The following BORCS5 variants were observed in gnomAD, a reference collection of about 807,000 sequenced individuals.
The protein encoded by BORCS5 is BLOC-1-related complex subunit 5.
Under a neutral mutation model 22.1 loss-of-function variants are expected in BORCS5, and 17 were observed. That is an observed-to-expected ratio of 0.77 (90% CI 0.53 to 1.15). The LOEUF is 1.15. BORCS5 is among the 50% of genes most tolerant of loss of function. The pLI is 0.00. For missense variants in BORCS5, 247 were observed against 253.2 expected, an observed-to-expected ratio of 0.98 and a Z score of 0.17; for synonymous variants, 117 against 99.8, an observed-to-expected ratio of 1.17 and a Z score of -1.03.
intron 2 of BORCS5, among the ~76,000 whole-genome samples, chr12:12,404,992 C>T (rs1057019121): frequency 1.4e-4 from 21 of 152,302 alleles, no homozygotes; most frequent in Admixed American, 5.2e-4. Flanking sequence ...TGAGCCACCG[C>T]GCCCGGCCAG....
chr12:12,378,217 C>CA (rs1243768142), intron 2 of BORCS5, among the ~76,000 whole-genome samples: 1 of 152,106 alleles, frequency 6.6e-6, no homozygotes, highest in Non-Finnish European at 1.5e-5. Context: ...ACTAAAAATA[C>CA]AAAAAGTAGC....
intron 2 of BORCS5, among the ~76,000 whole-genome samples, chr12:12,400,303 T>C (rs1941439281): frequency 6.6e-6 from 1 of 152,194 alleles, no homozygotes; most frequent in South Asian, 2.1e-4. Context: ...TGTCTAATTG[T>C]CTGGCCTTGG....
At chr12:12,367,756 C>T (rs1465922867) in intron 2 of BORCS5, among the ~76,000 whole-genome samples, 1 of 152,186 alleles carries the variant, frequency 6.6e-6, no homozygotes, top group Non-Finnish European at 1.5e-5. Flanking sequence ...ATTCTTGTTT[C>T]TTTCCATTAA....
intron 2 of BORCS5, among the ~76,000 whole-genome samples, chr12:12,427,618 G>A (rs759695647): frequency 6.6e-6 from 1 of 152,082 alleles, no homozygotes. Flanking sequence ...TTGTTTTTGG[G>A]GGTATCATAG....
intron 3 of BORCS5, chr12:12,452,550 C>G (rs752572619): frequency 5.6e-6 from 2 of 356,008 alleles, no homozygotes; most frequent in Non-Finnish European, 1.1e-5. Flanking sequence ...AGCCTCGCCT[C>G]GTGATCTTGC....
intron 2 of BORCS5, among the ~76,000 whole-genome samples, chr12:12,416,477 T>A (rs1213228974): frequency 6.6e-6 from 1 of 152,026 alleles, no homozygotes; most frequent in African/African-American, 2.4e-5. Context: ...TGGGTATCAC[T>A]CTGTTGCCAA....
At chr12:12,411,679 C>G (rs1471190111) in intron 2 of BORCS5, among the ~76,000 whole-genome samples, 1 of 151,822 alleles carries the variant, frequency 6.6e-6, no homozygotes, top group African/African-American at 2.4e-5. Flanking sequence ...ACATTGTTGC[C>G]CAATTCAGTG....
chr12:12,470,068 G>A lies in BORCS5; in HGVS notation c.*4292G>A, dbSNP rs780130049. Among the ~76,000 whole-genome samples the A allele has an allele frequency of 4.6e-5, 7 of 152,030 alleles. No individual in the cohort carries two copies. Among genetic ancestry groups the A allele is most frequent in the South Asian group, 4.2e-4 (2 of 4,804 alleles). On this transcript the variant is annotated 3_prime_UTR_variant, in exon 4 of 4. Transcript: ENST00000314565. ...GGCGGATGAGCAGGTGAAGCTTCAC[G>A]TGTTGTTGTTGTTGTTTATTGAGAT...
At chr12:12,401,021 A>C (rs996498030) in intron 2 of BORCS5, among the ~76,000 whole-genome samples, 1 of 152,134 alleles carries the variant, frequency 6.6e-6, no homozygotes, top group Non-Finnish European at 1.5e-5. Context: ...GTAGTATTCC[A>C]TCAAATGAAT....
At chr12:12,377,023 G>GT (rs1431488644) in intron 2 of BORCS5, among the ~76,000 whole-genome samples, 2 of 152,152 alleles carry the variant, frequency 1.3e-5, no homozygotes, top group African/African-American at 4.8e-5. Flanking sequence ...TTATTTTAGT[G>GT]TTTATCAGGA....
chr12:12,398,484 G>C, intron 2 of BORCS5, among the ~76,000 whole-genome samples: 1 of 152,182 alleles, frequency 6.6e-6, no homozygotes, highest in Non-Finnish European at 1.5e-5. Flanking sequence ...ATGAAGGGGA[G>C]AGATGTTTAC....
At chr12:12,387,923 A>T (rs933768802) in intron 2 of BORCS5, among the ~76,000 whole-genome samples, 3 of 151,420 alleles carry the variant, frequency 2.0e-5, no homozygotes, top group African/African-American at 7.3e-5. Flanking sequence ...TCATTAAAGA[A>T]TGTTTAACAC....
intron 2 of BORCS5, among the ~76,000 whole-genome samples, chr12:12,403,184 A>T (rs1941515953): frequency 6.6e-6 from 1 of 152,100 alleles, no homozygotes; most frequent in Admixed American, 6.6e-5. Context: ...GAGATGAAAG[A>T]CCTTTCCTGT....
chr12:12,452,652 G>A, intron 3 of BORCS5, among the ~76,000 whole-genome samples: 1 of 152,228 alleles, frequency 6.6e-6, no homozygotes, highest in East Asian at 1.9e-4. Context: ...CAGAAACAAG[G>A]TCACTTCAAA....
Position 12,437,622 on chromosome 12 carries a change from G to A in BORCS5, c.360+1837G>A, listed in dbSNP as rs1287261218. ...GTATTATCTCACTTAAAGTTCTTAG[G>A]AGTCTCACAATAAAGAAAGCCAGAC... is the stretch of plus-strand genomic sequence containing the variant. On this transcript the variant is annotated intron_variant, in intron 3 of 3. Coordinates refer to ENST00000314565, the MANE Select transcript of BORCS5 (RefSeq NM_058169.6). Among the ~76,000 whole-genome samples the A allele has an allele frequency of 2.6e-5, 4 of 152,232 alleles. No individual in the cohort carries two copies. The East Asian group carries it at 7.7e-4, about 29-fold the overall frequency.
At chr12:12,373,746 C>T (rs543891050) in intron 2 of BORCS5, among the ~76,000 whole-genome samples, 1 of 152,260 alleles carries the variant, frequency 6.6e-6, no homozygotes, top group South Asian at 2.1e-4. Context: ...GACATAGTTG[C>T]TGCCCTTTAG....
chr12:12,359,580 T>C (rs1863229412), intron 1 of BORCS5, among the ~76,000 whole-genome samples: 1 of 151,526 alleles, frequency 6.6e-6, no homozygotes, highest in Admixed American at 6.6e-5. Context: ...CAGGCTGATC[T>C]CGAACTCCTG....
intron 2 of BORCS5, among the ~76,000 whole-genome samples, chr12:12,405,192 C>G (rs1361004837): frequency 2.0e-5 from 3 of 152,146 alleles, no homozygotes; most frequent in African/African-American, 7.2e-5. Context: ...AAGATTTAGT[C>G]ATAAATGAGC....
intron 2 of BORCS5, among the ~76,000 whole-genome samples, chr12:12,378,372 CA>C (rs1232118015): frequency 1.3e-5 from 2 of 151,690 alleles, no homozygotes; most frequent in Non-Finnish European, 2.9e-5. Context: ...ACTCCGTCTC[CA>C]AAAAAATACA....
Sources: allele counts gnomAD v4.1 joint callset (sites outside exome capture counted in the v4.1 genomes callset), GRCh38; gene constraint gnomAD v4.1.1; transcripts MANE v1.5; gene names NCBI Gene and HGNC (gene_info 2026-07-23, HGNC 2026-07-21).